CTNNA3: variants seen among roughly 807,000 people sequenced by gnomAD.
CTNNA3 encodes catenin alpha-3.
A neutral mutation model predicts 95.7 loss-of-function variants in CTNNA3; 76 were observed. The observed-to-expected ratio is 0.79, with a 90% CI of 0.66 to 0.96. The LOEUF is 0.96. Among genes scored for constraint, CTNNA3 ranks in the 40% least tolerant of loss-of-function variants. The probability of loss-of-function intolerance (pLI) is 0.00; values close to 1 mark genes in which losing one functional copy is unlikely to be tolerated. For synonymous variants in CTNNA3, 431 were observed against 374.4 expected, an observed-to-expected ratio of 1.15 and a Z score of -1.74; for missense variants, 1,191 against 1,089.8, an observed-to-expected ratio of 1.09 and a Z score of -1.31.
chr10:67,631,401 A>T (rs935388660), intron 2 of CTNNA3, among the ~76,000 whole-genome samples: 2 of 152,220 alleles, frequency 1.3e-5, no homozygotes, highest in Non-Finnish European at 2.9e-5. Context: ...TGAATTCAGA[A>T]GTTAGAGTGA....
chr10:66,856,462 T>A (rs918700409), intron 7 of CTNNA3, among the ~76,000 whole-genome samples: 2 of 152,020 alleles, frequency 1.3e-5, no homozygotes, highest in Non-Finnish European at 2.9e-5. Context: ...GGTAATTCTG[T>A]TTTTAGTTTC....
intron 5 of CTNNA3, among the ~76,000 whole-genome samples, chr10:67,259,266 TA>T (rs1866491195): frequency 6.6e-6 from 1 of 152,332 alleles, no homozygotes; most frequent in East Asian, 1.9e-4. Context: ...AATCACTCTT[TA>T]AGTGTATCTC....
intron 13 of CTNNA3, among the ~76,000 whole-genome samples, chr10:66,114,633 C>T (rs2082252730): frequency 6.6e-6 from 1 of 151,756 alleles, no homozygotes; most frequent in South Asian, 2.1e-4. Context: ...GTAATCCCAG[C>T]ACTTTGGGAG....
chr10:66,560,948 A>G (rs1298823288), intron 10 of CTNNA3, among the ~76,000 whole-genome samples: 3 of 152,016 alleles, frequency 2.0e-5, no homozygotes, highest in African/African-American at 4.8e-5. Context: ...GAGACATTGG[A>G]TCTACCAACA....
At chr10:67,162,218 T>G (rs1861581499) in intron 7 of CTNNA3, among the ~76,000 whole-genome samples, 1 of 152,010 alleles carries the variant, frequency 6.6e-6, no homozygotes, top group African/African-American at 2.4e-5. Context: ...CTAACAACAT[T>G]ATTTTTAAGT....
chr10:66,169,729 A>G (rs750110986), intron 13 of CTNNA3, among the ~76,000 whole-genome samples: 8 of 152,156 alleles, frequency 5.3e-5, no homozygotes, highest in Non-Finnish European at 1.0e-4. Context: ...CAGGAGTAAG[A>G]TGGTATTGCA....
At chr10:66,617,957 C>A (rs1455751555) in intron 10 of CTNNA3, among the ~76,000 whole-genome samples, 1 of 151,576 alleles carries the variant, frequency 6.6e-6, no homozygotes, top group African/African-American at 2.4e-5. Context: ...AACTCCCATT[C>A]ACAATTGCTT....
chr10:67,494,265 T>C (rs767134049), intron 5 of CTNNA3, among the ~76,000 whole-genome samples: 15 of 152,224 alleles, frequency 9.9e-5, no homozygotes, highest in Non-Finnish European at 1.9e-4. Flanking sequence ...CACAACATTC[T>C]TCTAAATGGC....
chr10:67,431,152 A>C (rs946816296), intron 5 of CTNNA3, among the ~76,000 whole-genome samples: 2 of 151,958 alleles, frequency 1.3e-5, no homozygotes, highest in African/African-American at 2.4e-5. Flanking sequence ...GTTGAAGTCA[A>C]CCACTAATGG....
chr10:66,226,328 T>G (rs1589785094), intron 13 of CTNNA3, among the ~76,000 whole-genome samples: 1 of 152,168 alleles, frequency 6.6e-6, no homozygotes, highest in Non-Finnish European at 1.5e-5. Context: ...CCAATGCCTA[T>G]TCTTTGCACT....
chr10:67,751,115 C>T, intron 1 of CTNNA3: 1 of 1,382,492 alleles, frequency 7.2e-7, no homozygotes, highest in South Asian at 1.2e-5. Context: ...AGGCCTTTGA[C>T]TTTACATTGA....
intron 5 of CTNNA3, among the ~76,000 whole-genome samples, chr10:67,441,286 A>G (rs1846503498): frequency 1.3e-5 from 2 of 151,974 alleles, no homozygotes; most frequent in African/African-American, 4.8e-5. Context: ...AAGAATAAAA[A>G]GCAATGTAGC....
chr10:66,420,635 C>T (rs34178937), intron 11 of CTNNA3, among the ~76,000 whole-genome samples: 57,639 of 151,128 alleles, frequency 0.38, 11,516 homozygotes, highest in African/African-American at 0.5. Context: ...CCCATCTCTA[C>T]TAAAAATACA....
chr10:67,412,997 A>C (rs1466214278), intron 5 of CTNNA3, among the ~76,000 whole-genome samples: 1 of 152,084 alleles, frequency 6.6e-6, no homozygotes, highest in Non-Finnish European at 1.5e-5. Flanking sequence ...TATATCAATA[A>C]TAACCTTGAA....
chr10:67,629,231 C>T (rs1462715186), intron 2 of CTNNA3, among the ~76,000 whole-genome samples: 7 of 152,054 alleles, frequency 4.6e-5, no homozygotes, highest in Non-Finnish European at 1.0e-4. Flanking sequence ...TTTTATATGT[C>T]CTTTCTCCTA....
chr10:67,143,643 C>G (rs1334335125), intron 7 of CTNNA3, among the ~76,000 whole-genome samples: 2 of 152,184 alleles, frequency 1.3e-5, no homozygotes, highest in East Asian at 3.9e-4. Context: ...AAACCACTTT[C>G]TCATCCATAG....
At chr10:66,331,207 G>A (rs1268552526) in intron 12 of CTNNA3, among the ~76,000 whole-genome samples, 3 of 151,800 alleles carry the variant, frequency 2.0e-5, no homozygotes, top group Non-Finnish European at 2.9e-5. Context: ...TAGGTCTAAC[G>A]TTTAAGTTTT....
At chr10:66,050,651 C>T (rs992082452) in intron 15 of CTNNA3, among the ~76,000 whole-genome samples, 1 of 152,042 alleles carries the variant, frequency 6.6e-6, no homozygotes, top group Non-Finnish European at 1.5e-5. Flanking sequence ...GATGTGTTCC[C>T]AATTCACACC....
chr10:65,933,847 A>G (rs1391563774), intron 17 of CTNNA3, among the ~76,000 whole-genome samples: 2 of 152,136 alleles, frequency 1.3e-5, no homozygotes, highest in African/African-American at 4.8e-5. Flanking sequence ...GACCTTTTAC[A>G]ACTGATTGGT....
Sources: gnomAD v4.1 joint callset for allele counts (sites outside exome capture counted in the v4.1 genomes callset) on GRCh38, gnomAD v4.1.1 for gene constraint, MANE v1.5 for transcripts, NCBI Gene and HGNC (gene_info 2026-07-23, HGNC 2026-07-21) for gene names.